Variants in SLMAP observed in about 807,000 individuals in gnomAD.
SLMAP encodes the protein sarcolemmal membrane-associated protein.
A neutral mutation model predicts 128.8 loss-of-function variants in SLMAP; 44 were observed. The ratio of observed to expected loss-of-function variants is 0.34; its 90% CI spans 0.27 to 0.44. The LOEUF is 0.44. Among genes scored for constraint, SLMAP ranks in the 20% least tolerant of loss-of-function variants. The pLI, the probability that SLMAP is intolerant of heterozygous loss-of-function variation, is 1.00. For synonymous variants in SLMAP, 327 were observed against 348.8 expected, an observed-to-expected ratio of 0.94 and a Z score of 0.70; for missense variants, 787 against 985.3, an observed-to-expected ratio of 0.80 and a Z score of 2.69.
chr3:57,907,771 A>T, intron 17 of SLMAP, 113 bp from the exon 18 acceptor site: 1 of 950,122 alleles, frequency 1.1e-6, no homozygotes, highest in Non-Finnish European at 1.5e-6. Flanking sequence ...TATTTAACTC[A>T]GTTGTTCTAT....
intron 2 of SLMAP, among the ~76,000 whole-genome samples, chr3:57,778,555 C>CTCTTT (rs2153456035): frequency 7.1e-6 from 1 of 141,568 alleles, no homozygotes; most frequent in African/African-American, 2.6e-5. Flanking sequence ...TTTCTAGTTT[C>CTCTTT]TCTTTTCTTT....
chr3:57,906,308 T>TC (rs1198152320), intron 17 of SLMAP, among the ~76,000 whole-genome samples: 1 of 97,676 alleles, frequency 1.0e-5, no homozygotes, highest in East Asian at 3.9e-4. Flanking sequence ...TTCTTTTTTT[T>TC]TCTTTTTTTT....
chr3:57,914,979 A>G (rs2096780605), intron 21 of SLMAP, among the ~76,000 whole-genome samples: 1 of 148,030 alleles, frequency 6.8e-6, no homozygotes, highest in Non-Finnish European at 1.5e-5. Flanking sequence ...TCCGCCTCCC[A>G]GGTTCAAGCG....
intron 19 of SLMAP, among the ~76,000 whole-genome samples, chr3:57,911,995 A>C (rs74724157): frequency 0.013 from 1,964 of 151,844 alleles, 47 homozygotes; most frequent in African/African-American, 0.045. Flanking sequence ...AAATGTCAAA[A>C]ATAAAGGGTT....
chr3:57,879,683 C>G (rs959519819), intron 14 of SLMAP, among the ~76,000 whole-genome samples: 1 of 152,144 alleles, frequency 6.6e-6, no homozygotes, highest in South Asian at 2.1e-4. Context: ...TGGCTCATGC[C>G]TGTAATCCCA....
intron 7 of SLMAP, 130 bp downstream of exon 7, chr3:57,857,958 T>C: frequency 2.1e-6 from 2 of 945,738 alleles, no homozygotes. Context: ...GTTGAAGATT[T>C]AGCATTTTAC....
At chr3:57,858,530 A>G (rs1208500754) in intron 8 of SLMAP, among the ~76,000 whole-genome samples, 1 of 152,170 alleles carries the variant, frequency 6.6e-6, no homozygotes, top group Non-Finnish European at 1.5e-5. Context: ...TTTGTCAACA[A>G]CACTTTATGG....
At chr3:57,925,569 C>G (rs372974655) in intron 23 of SLMAP, among the ~76,000 whole-genome samples, 2 of 152,112 alleles carry the variant, frequency 1.3e-5, no homozygotes, top group Non-Finnish European at 1.5e-5. Context: ...CTCAGGTGAT[C>G]CACCTGCCTC....
At chr3:57,850,764 G>T (rs1008094013) in intron 6 of SLMAP, among the ~76,000 whole-genome samples, 7 of 152,244 alleles carry the variant, frequency 4.6e-5, no homozygotes, top group African/African-American at 1.7e-4. Context: ...CTCCTGAGTG[G>T]CTGGGACTAC....
intron 2 of SLMAP, among the ~76,000 whole-genome samples, chr3:57,788,731 A>G (rs2084777952): frequency 6.6e-6 from 1 of 152,214 alleles, no homozygotes; most frequent in Non-Finnish European, 1.5e-5. Context: ...ATGCTACATT[A>G]TAAGAGTTGA....
intron 2 of SLMAP, among the ~76,000 whole-genome samples, chr3:57,789,353 G>A (rs1234832979): frequency 2.0e-5 from 3 of 152,118 alleles, no homozygotes; most frequent in Admixed American, 6.5e-5. Context: ...AAGGATCAGT[G>A]TGAGGGTAAG....
At chr3:57,766,239 A>G (rs1300795129) in intron 2 of SLMAP, among the ~76,000 whole-genome samples, 1 of 132,512 alleles carries the variant, frequency 7.5e-6, no homozygotes, top group South Asian at 2.3e-4. Context: ...GATGGTCTCG[A>G]TTTCCTGACC....
intron 13 of SLMAP, among the ~76,000 whole-genome samples, chr3:57,866,742 G>A (rs1459149551): frequency 3.9e-5 from 6 of 152,104 alleles, no homozygotes; most frequent in South Asian, 4.1e-4. Context: ...AATTAGCCAC[G>A]CATGGTGGCC....
At chr3:57,809,791 T>C (rs2090603097) in intron 2 of SLMAP, among the ~76,000 whole-genome samples, 1 of 152,186 alleles carries the variant, frequency 6.6e-6, no homozygotes, top group African/African-American at 2.4e-5. Context: ...ATGACCTGCC[T>C]GTAGAGAGGA....
At chr3:57,828,957 T>A (rs1165949619) in intron 2 of SLMAP, among the ~76,000 whole-genome samples, 37 of 152,004 alleles carry the variant, frequency 2.4e-4, no homozygotes, top group Non-Finnish European at 2.1e-4. Flanking sequence ...ATTTTTTGTA[T>A]TTTTTTGTAG....
intron 2 of SLMAP, among the ~76,000 whole-genome samples, chr3:57,781,960 C>G (rs564269627): frequency 1.3e-5 from 2 of 152,094 alleles, no homozygotes; most frequent in Non-Finnish European, 2.9e-5. Flanking sequence ...TCTCGAATTC[C>G]TGACCTCAAG....
At chr3:57,759,903 C>T (rs1294578066) in intron 2 of SLMAP, among the ~76,000 whole-genome samples, 2 of 152,128 alleles carry the variant, frequency 1.3e-5, no homozygotes, top group African/African-American at 2.4e-5. Flanking sequence ...AAGAATAGGT[C>T]AGTAGTGACT....
At chr3:57,768,686 A>G (rs1220758091) in intron 2 of SLMAP, among the ~76,000 whole-genome samples, 2 of 152,190 alleles carry the variant, frequency 1.3e-5, no homozygotes, top group East Asian at 1.9e-4. Context: ...CTTTTGGTCA[A>G]ACACCAACCT....
chr3:57,909,617 T>C (rs1026273188), intron 19 of SLMAP, among the ~76,000 whole-genome samples: 2 of 152,088 alleles, frequency 1.3e-5, no homozygotes, highest in African/African-American at 4.8e-5. Flanking sequence ...GCTTTATTTA[T>C]TTATTTGTTT....
Sources: gnomAD v4.1 joint callset for allele counts (sites outside exome capture counted in the v4.1 genomes callset) on GRCh38, gnomAD v4.1.1 for gene constraint, MANE v1.5 for transcripts, NCBI Gene and HGNC (gene_info 2026-07-23, HGNC 2026-07-21) for gene names.